DNAH6: variants seen among roughly 807,000 people sequenced by gnomAD.
DNAH6 encodes dynein axonemal heavy chain 6.
DNAH6 carries 340 observed loss-of-function variants against 491.4 expected under a neutral mutation model. The observed-to-expected ratio is 0.69, with a 90% confidence interval of 0.63 to 0.76. The LOEUF is 0.76. DNAH6 is among the 30% of genes least tolerant of loss of function. DNAH6 has a pLI of 0.00. For missense variants in DNAH6, 4,443 were observed against 4,972.2 expected (o/e 0.89, Z 3.20); for synonymous variants, 1,603 against 1,686.1 (o/e 0.95, Z 1.21).
intron 37 of DNAH6, among the ~76,000 whole-genome samples, chr2:84,664,939 G>C (rs532094852): frequency 6.6e-6 from 1 of 152,298 alleles, no homozygotes; most frequent in South Asian, 2.1e-4. Context: ...TCAGGATTAA[G>C]AAACTCACTC....
intron 63 of DNAH6, among the ~76,000 whole-genome samples, chr2:84,752,356 A>C (rs544719658): frequency 3.9e-5 from 6 of 152,360 alleles, no homozygotes; most frequent in African/African-American, 1.2e-4. Flanking sequence ...AGATCTCTAT[A>C]TCATACAGAT....
chr2:84,780,954 A>G (rs1676631989), intron 64 of DNAH6, among the ~76,000 whole-genome samples: 1 of 152,180 alleles, frequency 6.6e-6, no homozygotes, highest in South Asian at 2.1e-4. Flanking sequence ...AATCAATGGC[A>G]TTAGAATTCA....
At chr2:84,736,370 A>G (rs968824619) in intron 62 of DNAH6, among the ~76,000 whole-genome samples, 1 of 152,114 alleles carries the variant, frequency 6.6e-6, no homozygotes, top group Non-Finnish European at 1.5e-5. Context: ...GTTTTTTCTA[A>G]TTCTATGGAA....
At chr2:84,625,591 A>G (rs1003615072) in intron 29 of DNAH6, among the ~76,000 whole-genome samples, 5 of 149,026 alleles carry the variant, frequency 3.4e-5, no homozygotes, top group Middle Eastern at 3.2e-3. Context: ...CATGTTAGAA[A>G]AAATTAAGTA....
chr2:84,698,296 G>T (rs1307260142), intron 47 of DNAH6, among the ~76,000 whole-genome samples: 3 of 151,974 alleles, frequency 2.0e-5, no homozygotes. Context: ...TGTGAGAATT[G>T]TCTCTCCTGC....
chr2:84,732,725 T>A (rs1699224121), intron 61 of DNAH6, among the ~76,000 whole-genome samples: 1 of 152,232 alleles, frequency 6.6e-6, no homozygotes, highest in South Asian at 2.1e-4. Context: ...TCTGTGAATA[T>A]ACTGAAATCA....
At chr2:84,740,640 G>A (rs1672435907) in intron 62 of DNAH6, among the ~76,000 whole-genome samples, 1 of 152,140 alleles carries the variant, frequency 6.6e-6, no homozygotes, top group African/African-American at 2.4e-5. Flanking sequence ...CCAGGGGAGT[G>A]GAGTCTGCCT....
chr2:84,645,975 A>G (rs551282282), intron 33 of DNAH6, among the ~76,000 whole-genome samples: 1 of 152,106 alleles, frequency 6.6e-6, no homozygotes, highest in South Asian at 2.1e-4. Flanking sequence ...ATTTTATTTC[A>G]CTTCATTTTA....
At chr2:84,616,149 G>A (rs989796682) in intron 22 of DNAH6, among the ~76,000 whole-genome samples, 12 of 152,048 alleles carry the variant, frequency 7.9e-5, no homozygotes, top group Non-Finnish European at 1.6e-4. Context: ...TGAATAGAAT[G>A]TATATTCTTC....
intron 61 of DNAH6, 104 bp downstream of exon 61, chr2:84,728,006 G>A: frequency 1.4e-6 from 1 of 713,484 alleles, no homozygotes; most frequent in Non-Finnish European, 2.4e-6. Flanking sequence ...GCTGTAGGAT[G>A]GACCTGGTGG....
At chr2:84,494,063 G>A in the DNAH6 span, among the ~76,000 whole-genome samples, 10 of 152,298 alleles carry the variant, frequency 6.6e-5, no homozygotes, top group East Asian at 9.7e-4. Flanking sequence ...CAGCAGTTGC[G>A]TTTTGCAGGT....
intron 33 of DNAH6, among the ~76,000 whole-genome samples, chr2:84,650,200 G>T (rs537751409): frequency 6.6e-6 from 1 of 152,204 alleles, no homozygotes; most frequent in South Asian, 2.1e-4. Flanking sequence ...GCAAATGTGT[G>T]ACATTTTCAG....
At chr2:84,687,894 A>G (rs1157873748) in intron 44 of DNAH6, among the ~76,000 whole-genome samples, 2 of 152,204 alleles carry the variant, frequency 1.3e-5, no homozygotes, top group East Asian at 3.8e-4. Context: ...TGCCATGCAT[A>G]GTTTTTAACC....
intron 36 of DNAH6, 24 bp from the exon 37 acceptor site, chr2:84,659,002 G>T: frequency 7.7e-7 from 1 of 1,296,654 alleles, no homozygotes. Context: ...AAAATATTAA[G>T]TCTGTTTCTC....
In DNAH6 at chr2:84,797,535, A is replaced by G. The variant is rs1678473108; in HGVS notation, c.11360-2A>G. On this transcript the variant is annotated splice_acceptor_variant, in intron 69 of 76. Coordinates refer to ENST00000389394, the MANE Select transcript of DNAH6 (RefSeq NM_001370.2). LOFTEE classifies it high-confidence loss of function. The stretch of plus-strand genomic sequence containing the variant: ...ATTTGTCTTCTGTGTTTTTAATAAC[A>G]GGCATCTATTTTGCACCCATGGCTG... 1.9e-6 allele frequency: 3 copies of G among 1,548,638 alleles called. No individual in the cohort carries two copies. The highest frequency in any genetic ancestry group is 2.6e-6 in the Non-Finnish European group (3 of 1,145,682).
At chr2:84,732,502 A>C (rs1222887739) in intron 61 of DNAH6, among the ~76,000 whole-genome samples, 2 of 152,210 alleles carry the variant, frequency 1.3e-5, no homozygotes, top group Non-Finnish European at 2.9e-5. Flanking sequence ...AACCTTGAAA[A>C]CACTAAGCTA....
Position 84,705,533 on chromosome 2 carries a change from T to C in DNAH6, c.8513T>C (p.Leu2838Pro). 1.3e-6 allele frequency: 2 copies of C among 1,551,146 alleles called. No individual in the cohort carries two copies. The highest frequency in any genetic ancestry group is 1.7e-6 in the Non-Finnish European group (2 of 1,146,804). The change falls in exon 52 of 77, where the codon CTA becomes CCA. Residue 2838 changes from leucine (L) to proline (P), a missense_variant. Leu to Pro is a moderately conservative substitution (Grantham distance 98). Transcript: ENST00000389394. ...CAACTTCTTGGTGACTCTAACTTTC[T>C]AAAAAGGCTTTTAGAATATGATAAG... ...AKQLLGDSNF[L>P]KRLLEYDKEN...
At chr2:84,708,282 A>T (rs1011429090) in intron 54 of DNAH6, among the ~76,000 whole-genome samples, 8 of 151,786 alleles carry the variant, frequency 5.3e-5, no homozygotes, top group South Asian at 2.1e-4. Flanking sequence ...TACTAAAAAA[A>T]AAAAATACAA....
In DNAH6 at chr2:84,779,710, T is replaced by C. The variant is rs191025089; in HGVS notation, c.10704-1783T>C. 2.8e-3 allele frequency among the ~76,000 whole-genome samples: 420 copies of C among 152,302 alleles called. 3 individuals are homozygous for C. The highest frequency in any genetic ancestry group is 9.9e-3 in the African/African-American group (411 of 41,574). ...GCTGGTTGCTTTGTAGTCTTGATTG[T>C]GTAGTTGCTTTATAGAGTCTATGGG... On this transcript the variant is annotated intron_variant, in intron 64 of 76. Coordinates refer to ENST00000389394, the MANE Select transcript of DNAH6 (RefSeq NM_001370.2).
Sources: allele counts gnomAD v4.1 joint callset (sites outside exome capture counted in the v4.1 genomes callset), GRCh38; gene constraint gnomAD v4.1.1; transcripts MANE v1.5; gene names NCBI Gene and HGNC (gene_info 2026-07-23, HGNC 2026-07-21).